Variants in GLYATL1 observed in about 807,000 individuals in gnomAD.
The protein encoded by GLYATL1 is glycine N-acyltransferase-like protein 1.
Under a neutral mutation model 20.0 loss-of-function variants are expected in GLYATL1, and 15 were observed. The ratio of observed to expected loss-of-function variants is 0.75; its 90% CI spans 0.50 to 1.15. GLYATL1 has a LOEUF of 1.15. GLYATL1 is among the 50% of genes most tolerant of loss of function. The pLI is 0.00. For synonymous variants in GLYATL1, 151 were observed against 131.5 expected (o/e 1.15, Z -1.01); for missense variants, 380 against 368.5 (o/e 1.03, Z -0.26).
chr11:58,928,770 G>A (rs1459316777), intron 1 of GLYATL1: 1 of 152,214 alleles, frequency 6.6e-6, no homozygotes, highest in African/African-American at 2.4e-5. Flanking sequence ...AAACACACTT[G>A]TGGATAATTA....
intron 1 of GLYATL1, among the ~76,000 whole-genome samples, chr11:58,915,560 T>G (rs1313036695): frequency 6.6e-6 from 1 of 151,812 alleles, no homozygotes; most frequent in Non-Finnish European, 1.5e-5. Flanking sequence ...GCCTGGCCCC[T>G]GGGCCAGCAA....
chr11:58,914,398 G>A (rs940235385), intron 1 of GLYATL1, among the ~76,000 whole-genome samples: 2 of 152,220 alleles, frequency 1.3e-5, no homozygotes, highest in Non-Finnish European at 2.9e-5. Flanking sequence ...ATGGGAGTCA[G>A]CAGTAGAGTC....
chr11:58,946,945 C>T, intron 2 of GLYATL1, 101 bp from the exon 3 acceptor site: 3 of 834,462 alleles, frequency 3.6e-6, no homozygotes, highest in South Asian at 2.7e-5. Context: ...ATGATACTAA[C>T]AGTACCTACA....
chr11:58,916,463 G>A (rs1855174420), intron 1 of GLYATL1, among the ~76,000 whole-genome samples: 1 of 152,216 alleles, frequency 6.6e-6, no homozygotes, highest in Non-Finnish European at 1.5e-5. Flanking sequence ...ACAGCTCAGA[G>A]ATGTTAAACA....
intron 1 of GLYATL1, among the ~76,000 whole-genome samples, chr11:58,919,291 G>A (rs546124988): frequency 6.6e-6 from 1 of 152,304 alleles, no homozygotes; most frequent in East Asian, 1.9e-4. Flanking sequence ...TGAATACCCA[G>A]TTTGTTTGGC....
At chr11:58,917,494 G>A (rs1370905803) in intron 1 of GLYATL1, among the ~76,000 whole-genome samples, 1 of 152,220 alleles carries the variant, frequency 6.6e-6, no homozygotes, top group Non-Finnish European at 1.5e-5. Flanking sequence ...TACAGAGGCA[G>A]AAGAAAGGCA....
intron 1 of GLYATL1, among the ~76,000 whole-genome samples, chr11:58,929,667 C>A (rs1023787729): frequency 6.6e-6 from 1 of 152,136 alleles, no homozygotes; most frequent in Non-Finnish European, 1.5e-5. Flanking sequence ...GGGATTGTTC[C>A]TTCTACTCTT....
intron 1 of GLYATL1, chr11:58,943,161 G>C: frequency 9.1e-7 from 1 of 1,102,396 alleles, no homozygotes; most frequent in Admixed American, 3.3e-5. Flanking sequence ...TTCTTCATTT[G>C]AGTCCTTGTG....
intron 4 of GLYATL1, among the ~76,000 whole-genome samples, chr11:58,953,884 T>C (rs1857189951): frequency 6.6e-6 from 1 of 152,248 alleles, no homozygotes; most frequent in South Asian, 2.1e-4. Context: ...GTTTATATTT[T>C]CCCAGAGAAA....
exon 2 of GLYATL1, chr11:58,907,466 TTCGCTC>T: frequency 6.5e-6 from 2 of 309,088 alleles, no homozygotes; most frequent in South Asian, 3.5e-5. Context: ...TTTCATGTAT[TTCGCTC>T]TTTTTTGTTT....
upstream of GLYATL1, among the ~76,000 whole-genome samples, chr11:58,936,998 A>G (rs1394961704): frequency 6.6e-6 from 1 of 152,232 alleles, no homozygotes; most frequent in Non-Finnish European, 1.5e-5. Flanking sequence ...GTTTTTCTAC[A>G]GAGGCAGATT....
chr11:58,921,219 A>T (rs1426857040), intron 1 of GLYATL1, among the ~76,000 whole-genome samples: 1 of 152,184 alleles, frequency 6.6e-6, no homozygotes, highest in Non-Finnish European at 1.5e-5. Flanking sequence ...GATGCCAGAT[A>T]GTTGGAGTGG....
downstream of GLYATL1, among the ~76,000 whole-genome samples, chr11:58,913,507 A>G (rs1237087411): frequency 6.6e-6 from 1 of 152,184 alleles, no homozygotes; most frequent in Non-Finnish European, 1.5e-5. Context: ...GTAGATATTC[A>G]ATCACTTTGA....
chr11:58,922,786 AG>A (rs1388776413), upstream of GLYATL1, among the ~76,000 whole-genome samples: 1 of 152,180 alleles, frequency 6.6e-6, no homozygotes, highest in Non-Finnish European at 1.5e-5. Flanking sequence ...ACAGGTTTGC[AG>A]CCATGCTGGT....
intron 1 of GLYATL1, among the ~76,000 whole-genome samples, chr11:58,928,935 C>A (rs979672070): frequency 3.3e-4 from 50 of 152,334 alleles, no homozygotes; most frequent in African/African-American, 1.2e-3. Flanking sequence ...ACAGATCTAA[C>A]TGGGGAAGCC....
intron 1 of GLYATL1, among the ~76,000 whole-genome samples, chr11:58,942,993 T>G (rs1222622749): frequency 6.6e-6 from 1 of 152,202 alleles, no homozygotes; most frequent in African/African-American, 2.4e-5. Flanking sequence ...AGATCCCTGA[T>G]GGTTTTAAAA....
upstream of GLYATL1, among the ~76,000 whole-genome samples, chr11:58,927,220 G>T (rs1382401031): frequency 2.0e-5 from 3 of 152,200 alleles, no homozygotes; most frequent in African/African-American, 7.2e-5. Flanking sequence ...TACTTAAACT[G>T]GATTTGTAGA....
intron 2 of GLYATL1, chr11:58,946,805 C>T (rs1856596491): frequency 3.6e-6 from 2 of 556,956 alleles, no homozygotes; most frequent in African/African-American, 1.9e-5. Context: ...TTAATTCTTT[C>T]CACAAGGGAG....
chr11:58,934,325 C>G (rs987980955), intron 1 of GLYATL1: 1 of 152,446 alleles, frequency 6.6e-6, no homozygotes, highest in Non-Finnish European at 1.5e-5. Flanking sequence ...CCTGGGTCTG[C>G]TAGAGCACAG....
Sources: allele counts gnomAD v4.1 joint callset (sites outside exome capture counted in the v4.1 genomes callset), GRCh38; gene constraint gnomAD v4.1.1; transcripts MANE v1.5; gene names NCBI Gene and HGNC (gene_info 2026-07-23, HGNC 2026-07-21).